The following C1orf21 variants were observed in gnomAD, a reference collection of about 807,000 sequenced individuals.
C1orf21 encodes the protein uncharacterized protein C1orf21.
A neutral mutation model predicts 18.7 loss-of-function variants in C1orf21; 3 were observed. That is an observed-to-expected ratio of 0.16 (90% CI 0.07 to 0.42). The LOEUF (loss-of-function observed/expected upper bound fraction) is 0.42, where lower values mean the gene tolerates loss of function less well. Ranked by LOEUF, C1orf21 falls within the 10% of genes least tolerant of loss-of-function variation. The pLI, the probability that C1orf21 is intolerant of heterozygous loss-of-function variation, is 0.99. For synonymous variants in C1orf21, 41 were observed against 46.4 expected, an observed-to-expected ratio of 0.88 and a Z score of 0.47; for missense variants, 104 against 143.6, an observed-to-expected ratio of 0.72 and a Z score of 1.41.
At position 184,628,125 on chromosome 1, in the gene C1orf21, C is replaced by T. The variant is rs1660047548; in HGVS notation, c.*8569C>T. 1 of 152,218 alleles carries T rather than the reference C, an allele frequency of 6.6e-6. No homozygotes were observed. Among genetic ancestry groups the T allele is most frequent in the African/African-American group, 2.4e-5 (1 of 41,452 alleles). 9.4% of individuals were successfully genotyped at this position (152,218 alleles called of 1,614,324 possible). On this transcript the variant is annotated 3_prime_UTR_variant, in exon 6 of 6. Transcript: ENST00000235307. ...TTCTGAACACCTGCAGAGGCTTCCTCAGGTGAGTGTGGGAGCCCGGAAGGG... is the reference window on the plus strand; with the variant it reads ...TTCTGAACACCTGCAGAGGCTTCCTTAGGTGAGTGTGGGAGCCCGGAAGGG...
chr1:184,417,491 A>C (rs555861839), intron 1 of C1orf21, among the ~76,000 whole-genome samples: 127 of 152,336 alleles, frequency 8.3e-4, no homozygotes, highest in African/African-American at 3.0e-3. Flanking sequence ...GACCTCAAAA[A>C]TTTAGACTTT....
chr1:184,545,772 G>C (rs1282936695), intron 3 of C1orf21: 1 of 152,082 alleles, frequency 6.6e-6, no homozygotes, highest in Non-Finnish European at 1.5e-5. Context: ...GGTCTGCCTG[G>C]AATCTCATGA....
intron 4 of C1orf21, among the ~76,000 whole-genome samples, chr1:184,592,014 C>G (rs1035774952): frequency 6.6e-6 from 1 of 151,880 alleles, no homozygotes; most frequent in Admixed American, 6.6e-5. Flanking sequence ...AGAACTAAGG[C>G]ATATGTTGTC....
intron 1 of C1orf21, among the ~76,000 whole-genome samples, chr1:184,435,788 G>C (rs1181239128): frequency 6.6e-6 from 1 of 152,232 alleles, no homozygotes; most frequent in Admixed American, 6.5e-5. Flanking sequence ...TCAGGGTGTG[G>C]TATCACAGTA....
At chr1:184,571,777 C>T (rs901982279) in intron 3 of C1orf21, among the ~76,000 whole-genome samples, 1 of 152,166 alleles carries the variant, frequency 6.6e-6, no homozygotes, top group Non-Finnish European at 1.5e-5. Context: ...CTCTTTTCCT[C>T]ATCCTCTTTA....
At chr1:184,462,647 G>T (rs538895663) in intron 1 of C1orf21, among the ~76,000 whole-genome samples, 32 of 152,052 alleles carry the variant, frequency 2.1e-4, no homozygotes, top group African/African-American at 6.0e-4. Context: ...ATATTTTTTT[G>T]GGGGGGAATA....
chr1:184,509,368 CTGATT>C (rs1245476291), intron 3 of C1orf21, among the ~76,000 whole-genome samples: 1 of 152,138 alleles, frequency 6.6e-6, no homozygotes. Flanking sequence ...TTTGGTCATT[CTGATT>C]TATTTGTGGA....
intron 3 of C1orf21, among the ~76,000 whole-genome samples, chr1:184,549,052 A>G (rs1287570662): frequency 6.6e-6 from 1 of 152,206 alleles, no homozygotes; most frequent in Non-Finnish European, 1.5e-5. Flanking sequence ...TTAGGAATTT[A>G]AAAATACTAT....
intron 2 of C1orf21, among the ~76,000 whole-genome samples, chr1:184,480,587 C>A (rs934056114): frequency 6.6e-6 from 1 of 152,178 alleles, no homozygotes. Context: ...TGTTAGTCAA[C>A]TATTGCTGCG....
chr1:184,466,678 G>C (rs989054810), intron 1 of C1orf21, among the ~76,000 whole-genome samples: 6 of 151,982 alleles, frequency 3.9e-5, no homozygotes, highest in Non-Finnish European at 7.4e-5. Context: ...CTTTGTTATG[G>C]TAAACTAATC....
intron 1 of C1orf21, among the ~76,000 whole-genome samples, chr1:184,447,518 C>CA (rs563779042): frequency 7.9e-4 from 120 of 152,302 alleles, no homozygotes; most frequent in Admixed American, 3.1e-3. Context: ...CCTAACAACT[C>CA]AAAGATAGTA....
At chr1:184,560,221 A>T (rs1452853927) in intron 3 of C1orf21, among the ~76,000 whole-genome samples, 2 of 151,428 alleles carry the variant, frequency 1.3e-5, no homozygotes, top group Non-Finnish European at 1.5e-5. Context: ...TGAAGAGATT[A>T]AAAAAAAGGA....
chr1:184,450,839 T>A (rs1350633591), intron 1 of C1orf21, among the ~76,000 whole-genome samples: 4 of 152,216 alleles, frequency 2.6e-5, no homozygotes, highest in Non-Finnish European at 4.4e-5. Flanking sequence ...ATGTGACCTC[T>A]GAATTCACCA....
chr1:184,396,882 G>T (rs1216272629), intron 1 of C1orf21, among the ~76,000 whole-genome samples: 3 of 152,188 alleles, frequency 2.0e-5, no homozygotes, highest in Non-Finnish European at 4.4e-5. Context: ...ATTTGTTTTT[G>T]ATCCTTTTGT....
chr1:184,415,996 G>C (rs1270373789), intron 1 of C1orf21, among the ~76,000 whole-genome samples: 1 of 143,864 alleles, frequency 7.0e-6, no homozygotes, highest in Non-Finnish European at 1.5e-5. Flanking sequence ...CTTCCACTTA[G>C]TGAAAACAAT....
At chr1:184,430,204 A>G (rs1656718084) in intron 1 of C1orf21, among the ~76,000 whole-genome samples, 1 of 151,786 alleles carries the variant, frequency 6.6e-6, no homozygotes, top group African/African-American at 2.4e-5. Flanking sequence ...TGGCAACTCT[A>G]GGTAGCCTCT....
chr1:184,554,404 G>A (rs535148214), intron 3 of C1orf21, among the ~76,000 whole-genome samples: 2 of 152,296 alleles, frequency 1.3e-5, no homozygotes, highest in South Asian at 4.1e-4. Flanking sequence ...GCAGAGTAAG[G>A]TATGGAGAAA....
intron 1 of C1orf21, among the ~76,000 whole-genome samples, chr1:184,447,269 A>T (rs1657049231): frequency 1.3e-5 from 2 of 152,180 alleles, no homozygotes; most frequent in African/African-American, 4.8e-5. Flanking sequence ...ATTCCTCTGA[A>T]ATATATAGCG....
chr1:184,418,018 C>G (rs1557967165), intron 1 of C1orf21, among the ~76,000 whole-genome samples: 1 of 152,162 alleles, frequency 6.6e-6, no homozygotes, highest in Non-Finnish European at 1.5e-5. Flanking sequence ...CATTCCCACC[C>G]TTGCCTAACC....
Sources: gnomAD v4.1 joint callset for allele counts (sites outside exome capture counted in the v4.1 genomes callset) on GRCh38, gnomAD v4.1.1 for gene constraint, MANE v1.5 for transcripts, NCBI Gene and HGNC (gene_info 2026-07-23, HGNC 2026-07-21) for gene names.